SPAG16: variants seen among roughly 807,000 people sequenced by gnomAD.
The protein encoded by SPAG16 is sperm associated antigen 16.
SPAG16 carries 86 observed loss-of-function variants against 80.4 expected under a neutral mutation model. The ratio of observed to expected loss-of-function variants is 1.07; its 90% confidence interval spans 0.90 to 1.28. The LOEUF (loss-of-function observed/expected upper bound fraction) is 1.28. Ranked by LOEUF, SPAG16 falls within the 50% of genes most tolerant of loss-of-function variation. The pLI is 0.00. For synonymous variants in SPAG16, 294 were observed against 265.9 expected (o/e 1.11, Z -1.03); for missense variants, 870 against 765.3 (o/e 1.14, Z -1.61).
In SPAG16 at chr2:213,945,955, T is replaced by G. The variant is rs370303022; in HGVS notation, c.1400+15810T>G. Among the ~76,000 whole-genome samples, 23 of 152,312 alleles carry G rather than the reference T, an allele frequency of 1.5e-4. 1 individual carries two copies. Among genetic ancestry groups the G allele is most frequent in the African/African-American group, 5.0e-4 (21 of 41,588 alleles). On this transcript the variant is annotated intron_variant, in intron 12 of 15. Coordinates refer to ENST00000331683, the MANE Select transcript of SPAG16 (RefSeq NM_024532.5). The stretch of plus-strand genomic sequence containing the variant: ...GCCCTTTGTTTCTCTTATAATCACT[T>G]TCTTGCAAATATAAATGTAGCATTG...
At chr2:213,830,845 A>G (rs1211254501) in intron 10 of SPAG16, among the ~76,000 whole-genome samples, 1 of 151,952 alleles carries the variant, frequency 6.6e-6, no homozygotes, top group African/African-American at 2.4e-5. Flanking sequence ...ACTGACAAAT[A>G]TTTTTATGCA....
chr2:214,021,075 A>G (rs184756186), intron 13 of SPAG16, among the ~76,000 whole-genome samples: 1 of 152,314 alleles, frequency 6.6e-6, no homozygotes, highest in East Asian at 1.9e-4. Flanking sequence ...AATGCCTATT[A>G]TCACAAAAAA....
At chr2:214,369,821 G>C (rs145587423) in intron 15 of SPAG16, among the ~76,000 whole-genome samples, 1 of 151,896 alleles carries the variant, frequency 6.6e-6, no homozygotes, top group Non-Finnish European at 1.5e-5. Context: ...ATCATATTTT[G>C]CCTCTGCTAA....
chr2:213,526,542 G>A (rs1056789046), intron 10 of SPAG16, among the ~76,000 whole-genome samples: 1 of 152,116 alleles, frequency 6.6e-6, no homozygotes, highest in Non-Finnish European at 1.5e-5. Flanking sequence ...TAGGTTGGCT[G>A]CACAGATGTC....
intron 10 of SPAG16, among the ~76,000 whole-genome samples, chr2:213,755,274 C>A (rs913031564): frequency 6.6e-6 from 1 of 152,026 alleles, no homozygotes; most frequent in Non-Finnish European, 1.5e-5. Flanking sequence ...AGTGATTCTA[C>A]TTTGAAATTT....
chr2:213,980,991 C>T (rs898837640), intron 12 of SPAG16, among the ~76,000 whole-genome samples: 4 of 151,886 alleles, frequency 2.6e-5, no homozygotes, highest in African/African-American at 9.7e-5. Flanking sequence ...GTTGTCATAA[C>T]AAAATACTAC....
At chr2:213,525,520 C>T (rs2075857038) in intron 10 of SPAG16, among the ~76,000 whole-genome samples, 2 of 151,894 alleles carry the variant, frequency 1.3e-5, no homozygotes, top group African/African-American at 2.4e-5. Flanking sequence ...AACTCCTGAC[C>T]TTGTGATCTA....
At chr2:213,537,846 A>C (rs879788044) in intron 10 of SPAG16, among the ~76,000 whole-genome samples, 9 of 152,192 alleles carry the variant, frequency 5.9e-5, no homozygotes, top group Admixed American at 1.3e-4. Flanking sequence ...TGAGTGTTTC[A>C]GGACACCTGC....
intron 15 of SPAG16, among the ~76,000 whole-genome samples, chr2:214,327,720 T>G (rs1176886684): frequency 6.6e-6 from 1 of 151,878 alleles, no homozygotes; most frequent in Non-Finnish European, 1.5e-5. Context: ...GCATCCTCTC[T>G]TGGGTCATGA....
chr2:213,429,935 T>C (rs536951482), intron 9 of SPAG16, among the ~76,000 whole-genome samples: 50 of 152,326 alleles, frequency 3.3e-4, no homozygotes, highest in African/African-American at 1.2e-3. Flanking sequence ...GAAAAAGTAA[T>C]GTGTAATGAT....
chr2:213,659,722 A>G (rs978412244), intron 10 of SPAG16, among the ~76,000 whole-genome samples: 22 of 152,326 alleles, frequency 1.4e-4, no homozygotes, highest in African/African-American at 5.1e-4. Context: ...TTTCTATTCC[A>G]GTAACCATAT....
intron 10 of SPAG16, among the ~76,000 whole-genome samples, chr2:213,805,965 A>G (rs2071742320): frequency 6.6e-6 from 1 of 152,214 alleles, no homozygotes; most frequent in Admixed American, 6.5e-5. Context: ...TACTTTAGAT[A>G]TAATGGTTAT....
At chr2:214,332,454 A>C (rs1016313548) in intron 15 of SPAG16, among the ~76,000 whole-genome samples, 1 of 152,142 alleles carries the variant, frequency 6.6e-6, no homozygotes, top group African/African-American at 2.4e-5. Flanking sequence ...GGCTAAGTCA[A>C]TCTGTCTATT....
At chr2:213,434,172 G>A (rs1163752052) in intron 9 of SPAG16, among the ~76,000 whole-genome samples, 2 of 151,816 alleles carry the variant, frequency 1.3e-5, no homozygotes, top group East Asian at 1.9e-4. Context: ...CACCTGCCTC[G>A]GCCTCCCAAA....
At chr2:213,430,221 A>G (rs190487374) in intron 9 of SPAG16, among the ~76,000 whole-genome samples, 3 of 152,362 alleles carry the variant, frequency 2.0e-5, no homozygotes, top group Non-Finnish European at 4.4e-5. Context: ...AGTTTCAACA[A>G]TAGATGAGAC....
intron 11 of SPAG16, among the ~76,000 whole-genome samples, chr2:213,888,296 G>C (rs918135460): frequency 6.6e-6 from 1 of 151,664 alleles, no homozygotes; most frequent in Non-Finnish European, 1.5e-5. Flanking sequence ...TTCTGACAAA[G>C]CTCCTGTTTA....
At chr2:213,285,988 A>T in intron 1 of SPAG16, 1 of 1,111,144 alleles carries the variant, frequency 9.0e-7, no homozygotes, top group Non-Finnish European at 1.2e-6. Context: ...AATTGTTAAC[A>T]TGAGATTGAC....
chr2:213,713,497 G>A (rs369255599), intron 10 of SPAG16, among the ~76,000 whole-genome samples: 42 of 152,276 alleles, frequency 2.8e-4, no homozygotes, highest in African/African-American at 9.9e-4. Flanking sequence ...CTCTAGGGGA[G>A]GATTCTCTGA....
At chr2:213,937,146 T>C (rs1224539648) in intron 12 of SPAG16, among the ~76,000 whole-genome samples, 2 of 152,124 alleles carry the variant, frequency 1.3e-5, no homozygotes, top group East Asian at 1.9e-4. Context: ...TGGAGTTTAG[T>C]ATTTATAACA....
Sources: gnomAD v4.1 joint callset for allele counts (sites outside exome capture counted in the v4.1 genomes callset) on GRCh38, gnomAD v4.1.1 for gene constraint, MANE v1.5 for transcripts, NCBI Gene and HGNC (gene_info 2026-07-23, HGNC 2026-07-21) for gene names.